AP4S1: variants seen among roughly 807,000 people sequenced by gnomAD.
AP4S1 encodes adaptor related protein complex 4 subunit sigma 1, also known as AP-4 complex subunit sigma-1.
In AP4S1, 23 loss-of-function variants were observed where a neutral mutation model predicts 19.8. That is an observed-to-expected ratio of 1.16 (90% CI 0.84 to 1.65). AP4S1 has a LOEUF of 1.65. AP4S1 is among the 40% of genes most tolerant of loss of function. The pLI, the probability that AP4S1 is intolerant of heterozygous loss-of-function variation, is 0.00. For synonymous variants in AP4S1, 46 were observed against 54.1 expected, an observed-to-expected ratio of 0.85 and a Z score of 0.66; for missense variants, 166 against 172.8, an observed-to-expected ratio of 0.96 and a Z score of 0.22.
At chr14:31,087,272 G>C (rs1442403107) in intron 5 of AP4S1, among the ~76,000 whole-genome samples, 2 of 152,110 alleles carry the variant, frequency 1.3e-5, no homozygotes, top group African/African-American at 4.8e-5. Context: ...GCTACTTTAG[G>C]GAAGAGCTGG....
intron 1 of AP4S1, among the ~76,000 whole-genome samples, chr14:31,029,363 A>G: frequency 6.6e-6 from 1 of 152,236 alleles, no homozygotes; most frequent in East Asian, 1.9e-4. Context: ...AAGCATATAA[A>G]TTGATCTAGA....
chr14:31,073,208 T>C (rs575826845), intron 4 of AP4S1: 4 of 456,000 alleles, frequency 8.8e-6, no homozygotes, highest in South Asian at 4.3e-5. Context: ...AAACCTCTTA[T>C]AGCAGGGCGC....
chr14:31,073,436 G>A (rs1317582220), intron 4 of AP4S1, among the ~76,000 whole-genome samples: 4 of 140,156 alleles, frequency 2.9e-5, no homozygotes, highest in Non-Finnish European at 4.8e-5. Context: ...CTTGCAGTGA[G>A]CCGAGATCCC....
intron 1 of AP4S1, among the ~76,000 whole-genome samples, chr14:31,042,557 G>A (rs535963027): frequency 6.6e-6 from 1 of 152,208 alleles, no homozygotes; most frequent in African/African-American, 2.4e-5. Flanking sequence ...TGATTAAGGA[G>A]TAAAAATAAA....
intron 1 of AP4S1, among the ~76,000 whole-genome samples, chr14:31,058,390 T>A (rs886843991): frequency 1.3e-5 from 2 of 152,194 alleles, no homozygotes; most frequent in East Asian, 3.8e-4. Context: ...GCACCATTTG[T>A]GTAATGCTTT....
upstream of AP4S1, chr14:31,025,208 G>A (rs1178204353): frequency 6.6e-6 from 1 of 152,320 alleles, no homozygotes; most frequent in Non-Finnish European, 1.5e-5. Flanking sequence ...GGAGAGTACT[G>A]TAAAAAGAAA....
At chr14:31,065,978 A>G (rs907923582) in intron 1 of AP4S1, 148 bp from the exon 2 acceptor site, 8 of 452,850 alleles carry the variant, frequency 1.8e-5, no homozygotes, top group Non-Finnish European at 3.2e-5. Context: ...ATTTATTAAA[A>G]CCTCAATTAG....
At chr14:31,055,869 A>T (rs1886084386) in intron 1 of AP4S1, among the ~76,000 whole-genome samples, 1 of 148,090 alleles carries the variant, frequency 6.8e-6, no homozygotes, top group Admixed American at 6.8e-5. Context: ...TTTGAGACGG[A>T]GTCTCACTCT....
chr14:31,084,391 T>C (rs1252670586), intron 5 of AP4S1, among the ~76,000 whole-genome samples: 1 of 152,210 alleles, frequency 6.6e-6, no homozygotes, highest in East Asian at 1.9e-4. Flanking sequence ...TTCTCCCTAG[T>C]ATGGACTTGT....
chr14:31,076,279 G>A (rs1887358090), intron 4 of AP4S1, among the ~76,000 whole-genome samples: 1 of 152,198 alleles, frequency 6.6e-6, no homozygotes, highest in African/African-American at 2.4e-5. Flanking sequence ...AGGAGTGCAT[G>A]AGGGTTTCAA....
At chr14:31,034,242 T>A (rs1298399612) in intron 1 of AP4S1, among the ~76,000 whole-genome samples, 1 of 152,208 alleles carries the variant, frequency 6.6e-6, no homozygotes, top group African/African-American at 2.4e-5. Flanking sequence ...CAAAAACATA[T>A]TTTTTATAAC....
intron 5 of AP4S1, chr14:31,083,522 T>TTTTTTTTA (rs1887769591): frequency 2.3e-6 from 1 of 437,166 alleles, no homozygotes; most frequent in African/African-American, 2.2e-5. Flanking sequence ...TTTTTTTTTT[T>TTTTTTTTA]GAGACAAGGT....
chr14:31,060,017 GTATATATATTTATGTATATATGTA>G (rs1886344731), intron 1 of AP4S1, among the ~76,000 whole-genome samples: 2 of 112,466 alleles, frequency 1.8e-5, no homozygotes, highest in Non-Finnish European at 3.8e-5. Context: ...ATGTATATAT[GTATATATATTTATGTATATATGTA>G]TATATATTTA....
At chr14:31,065,043 T>G (rs1209800349) in intron 1 of AP4S1, among the ~76,000 whole-genome samples, 1 of 152,204 alleles carries the variant, frequency 6.6e-6, no homozygotes, top group Non-Finnish European at 1.5e-5. Context: ...TTATAGGGCC[T>G]GGAGGAATTT....
intron 1 of AP4S1, among the ~76,000 whole-genome samples, chr14:31,048,556 G>C (rs897739954): frequency 6.6e-6 from 1 of 151,878 alleles, no homozygotes; most frequent in Non-Finnish European, 1.5e-5. Context: ...GCAAAACCCC[G>C]TTTTGCCAAA....
At chr14:31,044,820 T>A (rs1287521244) in intron 1 of AP4S1, among the ~76,000 whole-genome samples, 1 of 152,204 alleles carries the variant, frequency 6.6e-6, no homozygotes, top group Non-Finnish European at 1.5e-5. Context: ...TCGTTCACAT[T>A]TCCTAAGATG....
rs570066544 is a variant in AP4S1, at chr14:31,045,028, A to G, written c.-72+19241A>G. 2.6e-5 allele frequency among the ~76,000 whole-genome samples: 4 copies of G among 151,960 alleles called. No homozygotes were observed. In the East Asian group the frequency reaches 5.8e-4, roughly 22 times the overall value. ...GCAGTTCTCGTGCCTCAGCCCCCCAAGTAGCTGGGATTACAGGAGTCCGCC... is the reference window on the plus strand; with the variant it reads ...GCAGTTCTCGTGCCTCAGCCCCCCAGGTAGCTGGGATTACAGGAGTCCGCC... On this transcript the variant is annotated intron_variant, in intron 1 of 5. Coordinates refer to ENST00000542754, the MANE Select transcript of AP4S1 (RefSeq NM_001128126.3).
chr14:31,049,428 A>AAAAAAAAAT (rs1384450221), intron 1 of AP4S1, among the ~76,000 whole-genome samples: 3 of 57,768 alleles, frequency 5.2e-5, no homozygotes, highest in Non-Finnish European at 8.7e-5. Flanking sequence ...AAAAAAAAAA[A>AAAAAAAAAT]ATATATATAT....
At chr14:31,053,589 CTTTTTTTTTTTTTT>C (rs758966011) in intron 1 of AP4S1, among the ~76,000 whole-genome samples, 9 of 71,112 alleles carry the variant, frequency 1.3e-4, no homozygotes, top group Admixed American at 2.3e-4. Flanking sequence ...TGACTTTTTT[CTTTTTTTTTTTTTT>C]TTTTTTTTTT....
Sources: allele counts gnomAD v4.1 joint callset (sites outside exome capture counted in the v4.1 genomes callset), GRCh38; gene constraint gnomAD v4.1.1; transcripts MANE v1.5; gene names NCBI Gene and HGNC (gene_info 2026-07-23, HGNC 2026-07-21).